Variants in MARCHF1 observed in about 807,000 individuals in gnomAD.
MARCHF1 encodes membrane associated ring-CH-type finger 1.
MARCHF1 carries 40 observed loss-of-function variants against 54.2 expected under a neutral mutation model. That is an observed-to-expected ratio of 0.74 (90% CI 0.57 to 0.96). MARCHF1 has a LOEUF of 0.96. MARCHF1 is among the 40% of genes least tolerant of loss of function. The pLI is 0.00. For synonymous variants in MARCHF1, 236 were observed against 236.3 expected (o/e 1.00, Z 0.01); for missense variants, 586 against 656.5 (o/e 0.89, Z 1.17).
chr4:164,172,098 C>G (rs1730541197), intron 1 of MARCHF1, among the ~76,000 whole-genome samples: 1 of 152,152 alleles, frequency 6.6e-6, no homozygotes, highest in Admixed American at 6.5e-5. Context: ...TTTACCCATC[C>G]TCAGATCCTC....
chr4:164,284,334 C>CAGAGAGAGAG (rs139533400), intron 1 of MARCHF1, among the ~76,000 whole-genome samples: 1 of 117,560 alleles, frequency 8.5e-6, no homozygotes, highest in South Asian at 2.5e-4. Flanking sequence ...GAGAGAGAGA[C>CAGAGAGAGAG]AGAGAGAGAG....
intron 1 of MARCHF1, among the ~76,000 whole-genome samples, chr4:164,350,630 A>G (rs7686802): frequency 0.43 from 65,179 of 152,032 alleles, 14,792 homozygotes; most frequent in Non-Finnish European, 0.5. Flanking sequence ...ATGTACAATT[A>G]TTTCTTGTCA....
At chr4:163,761,207 G>A (rs1365034369) in intron 4 of MARCHF1, among the ~76,000 whole-genome samples, 1 of 152,138 alleles carries the variant, frequency 6.6e-6, no homozygotes, top group African/African-American at 2.4e-5. Flanking sequence ...TGTATATGAA[G>A]GGATTCGTTA....
intron 1 of MARCHF1, among the ~76,000 whole-genome samples, chr4:164,273,785 A>G (rs71616692): frequency 0.12 from 18,081 of 152,188 alleles, 1,692 homozygotes; most frequent in African/African-American, 0.26. Flanking sequence ...ATGAAACTCC[A>G]TTGGTGGTGT....
chr4:163,607,767 G>T (rs945682874), intron 7 of MARCHF1, among the ~76,000 whole-genome samples: 2 of 152,050 alleles, frequency 1.3e-5, no homozygotes, highest in Non-Finnish European at 2.9e-5. Context: ...TTCTCAAAAT[G>T]TGATTCCTGC....
At chr4:163,908,122 T>G (rs1455144700) in intron 3 of MARCHF1, among the ~76,000 whole-genome samples, 1 of 152,134 alleles carries the variant, frequency 6.6e-6, no homozygotes, top group Admixed American at 6.6e-5. Flanking sequence ...CAATATAGGT[T>G]GGTAATATCC....
intron 1 of MARCHF1, among the ~76,000 whole-genome samples, chr4:164,285,657 CAGT>C (rs1310565786): frequency 2.6e-5 from 4 of 151,430 alleles, no homozygotes; most frequent in Admixed American, 6.6e-5. Context: ...TTAGCCAGGA[CAGT>C]CTCGATCTCC....
intron 1 of MARCHF1, among the ~76,000 whole-genome samples, chr4:164,267,300 C>T (rs1308845660): frequency 6.6e-6 from 1 of 152,108 alleles, no homozygotes; most frequent in Non-Finnish European, 1.5e-5. Context: ...AAGCTGGTCC[C>T]AGGTACTTGT....
At chr4:164,013,088 G>T (rs1753457703) in intron 2 of MARCHF1, among the ~76,000 whole-genome samples, 1 of 152,114 alleles carries the variant, frequency 6.6e-6, no homozygotes, top group African/African-American at 2.4e-5. Flanking sequence ...GGAGATATGT[G>T]ATCTTTCAGA....
chr4:163,964,892 T>G (rs7698611), intron 3 of MARCHF1, among the ~76,000 whole-genome samples: 22,817 of 151,976 alleles, frequency 0.15, 1,844 homozygotes, highest in Non-Finnish European at 0.18. Context: ...ATATTATTCT[T>G]GCATCAGCAG....
chr4:163,819,240 C>T (rs1310711285), intron 4 of MARCHF1, among the ~76,000 whole-genome samples: 2 of 152,128 alleles, frequency 1.3e-5, no homozygotes, highest in East Asian at 3.9e-4. Flanking sequence ...TTTCCTGATG[C>T]ATAAGCCTTT....
intron 1 of MARCHF1, chr4:164,189,704 C>T (rs1251708019): frequency 4.9e-6 from 5 of 1,011,386 alleles, no homozygotes; most frequent in Non-Finnish European, 6.3e-6. Flanking sequence ...ACAGTGGTAC[C>T]TACCAAGAAG....
At chr4:163,724,884 C>T (rs571176258) in intron 4 of MARCHF1, among the ~76,000 whole-genome samples, 1 of 152,256 alleles carries the variant, frequency 6.6e-6, no homozygotes, top group Non-Finnish European at 1.5e-5. Context: ...GGGAGTGACC[C>T]GATTTTCCAG....
intron 1 of MARCHF1, among the ~76,000 whole-genome samples, chr4:164,357,188 G>T (rs552841073): frequency 3.6e-4 from 55 of 151,976 alleles, no homozygotes; most frequent in Non-Finnish European, 7.2e-4. Context: ...AATTCTAGGG[G>T]TTCAGAAGTC....
At chr4:163,955,078 A>C (rs1434955915) in intron 3 of MARCHF1, among the ~76,000 whole-genome samples, 3 of 151,920 alleles carry the variant, frequency 2.0e-5, no homozygotes, top group Non-Finnish European at 4.4e-5. Context: ...GAAATATGGG[A>C]ATTTGGACAA....
At chr4:163,877,415 C>T (rs1317152168) in intron 3 of MARCHF1, among the ~76,000 whole-genome samples, 1 of 151,552 alleles carries the variant, frequency 6.6e-6, no homozygotes, top group Non-Finnish European at 1.5e-5. Context: ...CTCGGTCCCA[C>T]CCTTGACATT....
chr4:164,047,569 T>C (rs1263460779), intron 2 of MARCHF1, among the ~76,000 whole-genome samples: 3 of 152,218 alleles, frequency 2.0e-5, no homozygotes, highest in African/African-American at 4.8e-5. Flanking sequence ...TTTGCAGGTT[T>C]TTCCACCTTC....
At chr4:163,711,870 C>T in intron 4 of MARCHF1, among the ~76,000 whole-genome samples, 1 of 152,168 alleles carries the variant, frequency 6.6e-6, no homozygotes. Context: ...CTATCTGTTT[C>T]TTTCTAGACC....
chr4:164,219,284 A>G (rs1467668422), intron 1 of MARCHF1, among the ~76,000 whole-genome samples: 1 of 152,194 alleles, frequency 6.6e-6, no homozygotes, highest in Admixed American at 6.6e-5. Flanking sequence ...CAACAGATTC[A>G]TTAATAAACA....
Sources: allele counts gnomAD v4.1 joint callset (sites outside exome capture counted in the v4.1 genomes callset), GRCh38; gene constraint gnomAD v4.1.1; transcripts MANE v1.5; gene names NCBI Gene and HGNC (gene_info 2026-07-23, HGNC 2026-07-21).